Variants in ENOSF1 observed in about 807,000 individuals in gnomAD.
ENOSF1 encodes the protein mitochondrial enolase superfamily member 1.
A neutral mutation model predicts 68.2 loss-of-function variants in ENOSF1; 73 were observed. The ratio of observed to expected loss-of-function variants is 1.07; its 90% CI spans 0.89 to 1.30. The LOEUF (loss-of-function observed/expected upper bound fraction) is 1.30. ENOSF1 is among the 50% of genes most tolerant of loss of function. The probability of loss-of-function intolerance (pLI) is 0.00; values close to 1 mark genes in which losing one functional copy is unlikely to be tolerated. For missense variants in ENOSF1, 589 were observed against 554.5 expected, an observed-to-expected ratio of 1.06 and a Z score of -0.62; for synonymous variants, 223 against 210.4, an observed-to-expected ratio of 1.06 and a Z score of -0.52.
intron 3 of ENOSF1, among the ~76,000 whole-genome samples, chr18:694,709 TA>T (rs2077540954): frequency 6.6e-6 from 1 of 151,498 alleles, no homozygotes; most frequent in African/African-American, 2.4e-5. Context: ...AAGGTAGCAA[TA>T]GAAACCCACC....
intron 4 of ENOSF1, 61 bp from the exon 5 acceptor site, chr18:693,969 C>T: frequency 6.4e-7 from 1 of 1,551,210 alleles, no homozygotes; most frequent in Non-Finnish European, 8.7e-7. Context: ...TTTTTCCTGA[C>T]AGTAAACGCG....
At chr18:678,171 G>A in intron 12 of ENOSF1, 1 of 324,176 alleles carries the variant, frequency 3.1e-6, no homozygotes, top group South Asian at 3.3e-5. Flanking sequence ...AGTGGGAGAT[G>A]AAGCATCAGG....
intron 10 of ENOSF1, among the ~76,000 whole-genome samples, chr18:685,042 C>G (rs535121040): frequency 6.6e-6 from 1 of 151,772 alleles, no homozygotes; most frequent in African/African-American, 2.4e-5. Context: ...TTTCTTCTTT[C>G]TTTTAGAGAG....
At chr18:682,699 T>TA (rs1356116155) in intron 11 of ENOSF1, among the ~76,000 whole-genome samples, 1 of 133,562 alleles carries the variant, frequency 7.5e-6, no homozygotes, top group Non-Finnish European at 1.5e-5. Flanking sequence ...TGAAACCTCA[T>TA]CTCTACTAAA....
chr18:699,705 T>A (rs1417140770), intron 2 of ENOSF1, among the ~76,000 whole-genome samples: 1 of 152,212 alleles, frequency 6.6e-6, no homozygotes, highest in Non-Finnish European at 1.5e-5. Context: ...GATTCAATAG[T>A]AAAAGTTTTT....
At chr18:674,606 C>T (rs1432172391) in intron 15 of ENOSF1, among the ~76,000 whole-genome samples, 200 bp from the exon 16 acceptor site, 1 of 152,202 alleles carries the variant, frequency 6.6e-6, no homozygotes, top group Non-Finnish European at 1.5e-5. Flanking sequence ...GCAACCTCCA[C>T]CTCCCAGGTT....
chr18:670,932 G>A lies in ENOSF1; in HGVS notation c.*3373C>T. The A allele has an allele frequency of 6.4e-7, 1 of 1,554,068 alleles. No individual in the cohort carries two copies. The highest frequency in any genetic ancestry group is 1.9e-5 in the Admixed American group (1 of 53,624). Reference sequence around the variant, plus strand: ...ACTGAGCTCTTCAGTTCTTTAATATGGGAAAACAAATTGCAGAGTTTAGTC... The same window carrying A: ...ACTGAGCTCTTCAGTTCTTTAATATAGGAAAACAAATTGCAGAGTTTAGTC... On this transcript the variant is annotated 3_prime_UTR_variant, in exon 16 of 16. Coordinates refer to ENST00000647584, the MANE Select transcript of ENOSF1 (RefSeq NM_017512.7).
chr18:693,369 G>T, intron 5 of ENOSF1: 1 of 1,175,256 alleles, frequency 8.5e-7, no homozygotes, highest in Non-Finnish European at 1.1e-6. Flanking sequence ...TCACCTGAGT[G>T]CAGTGGTGCA....
chr18:705,796 G>T (rs2145437705), intron 2 of ENOSF1, among the ~76,000 whole-genome samples: 1 of 152,188 alleles, frequency 6.6e-6, no homozygotes, highest in Middle Eastern at 3.4e-3. Context: ...ATCATTTGAG[G>T]TCAGGAGTTC....
At chr18:691,648 T>C in intron 5 of ENOSF1, 1 of 197,016 alleles carries the variant, frequency 5.1e-6, no homozygotes, top group Non-Finnish European at 1.0e-5. Context: ...TTCTAAGAAG[T>C]TGCTTATGGT....
intron 2 of ENOSF1, among the ~76,000 whole-genome samples, chr18:704,435 G>GAAAATA (rs2078699425): frequency 9.2e-5 from 2 of 21,658 alleles, no homozygotes; most frequent in Non-Finnish European, 8.7e-5. Context: ...TTTCCAAAAA[G>GAAAATA]AAAAGAAAAA....
At chr18:689,249 T>C (rs1003283791) in intron 8 of ENOSF1, among the ~76,000 whole-genome samples, 1 of 152,150 alleles carries the variant, frequency 6.6e-6, no homozygotes, top group African/African-American at 2.4e-5. Context: ...TTTGCTTGTG[T>C]ACTTTCAGAA....
intron 1 of ENOSF1, among the ~76,000 whole-genome samples, chr18:708,746 CAGGCA>C (rs2079198893): frequency 6.6e-6 from 1 of 152,028 alleles, no homozygotes; most frequent in African/African-American, 2.4e-5. Flanking sequence ...AGGAATATCT[CAGGCA>C]AGGTAGCAGC....
In ENOSF1 at chr18:703,886, TAGTG is replaced by T. The variant is rs1328974878; in HGVS notation, c.193+2580_193+2583del. Among the ~76,000 whole-genome samples the T allele has an allele frequency of 3.3e-5, 5 of 152,284 alleles. No individual in the cohort carries two copies. The South Asian group carries it at 6.2e-4, about 19-fold the overall frequency. On this transcript the variant is annotated intron_variant, in intron 2 of 15. Coordinates refer to ENST00000647584, the MANE Select transcript of ENOSF1 (RefSeq NM_017512.7). ...TATCCCATTGGTACTGTCTTTGAGA[TAGTG>T]AGTGAGTTCTCGTGAGATCTGGTGA...
At chr18:695,395 C>T (rs1448925133) in intron 3 of ENOSF1, among the ~76,000 whole-genome samples, 1 of 152,158 alleles carries the variant, frequency 6.6e-6, no homozygotes, top group Non-Finnish European at 1.5e-5. Context: ...GCTTTCTCCA[C>T]TGTGAAGTTA....
At chr18:679,353 G>A (rs112630941) in intron 11 of ENOSF1, among the ~76,000 whole-genome samples, 158 of 151,560 alleles carry the variant, frequency 1.0e-3, no homozygotes, top group African/African-American at 3.6e-3. Flanking sequence ...GGGATTAGAG[G>A]TGCACGCCAC....
intron 11 of ENOSF1, among the ~76,000 whole-genome samples, chr18:680,676 G>GTTTTTT (rs33931715): frequency 3.0e-5 from 3 of 101,036 alleles, no homozygotes; most frequent in Non-Finnish European, 5.6e-5. Flanking sequence ...ATGCTGTTGT[G>GTTTTTT]TTTTTTTTTT....
chr18:696,880 G>A (rs2077784843), intron 3 of ENOSF1, among the ~76,000 whole-genome samples: 1 of 152,142 alleles, frequency 6.6e-6, no homozygotes, highest in Admixed American at 6.5e-5. Context: ...ACTTTGGGAG[G>A]CTGAGGAAGG....
intron 1 of ENOSF1, among the ~76,000 whole-genome samples, chr18:712,204 C>T (rs191293166): frequency 1.3e-5 from 2 of 152,330 alleles, no homozygotes; most frequent in East Asian, 3.9e-4. Flanking sequence ...TTTCTGGATA[C>T]TTATACAATT....
Sources: gnomAD v4.1 joint callset for allele counts (sites outside exome capture counted in the v4.1 genomes callset) on GRCh38, gnomAD v4.1.1 for gene constraint, MANE v1.5 for transcripts, NCBI Gene and HGNC (gene_info 2026-07-23, HGNC 2026-07-21) for gene names.